The following GNPTAB variants were observed in gnomAD, a reference collection of about 807,000 sequenced individuals.
The protein encoded by GNPTAB is N-acetylglucosamine-1-phosphotransferase subunits alpha/beta.
In GNPTAB, 92 loss-of-function variants were observed where a neutral mutation model predicts 136.6. That is an observed-to-expected ratio of 0.67 (90% confidence interval 0.57 to 0.80). The LOEUF (loss-of-function observed/expected upper bound fraction) is 0.80. Among genes scored for constraint, GNPTAB ranks in the 30% least tolerant of loss-of-function variants. The pLI, the probability that GNPTAB is intolerant of heterozygous loss-of-function variation, is 0.00. For synonymous variants in GNPTAB, 512 were observed against 535.1 expected (o/e 0.96, Z 0.60); for missense variants, 1,343 against 1,501.8 (o/e 0.89, Z 1.75).
rs35246134 is a variant in GNPTAB, at chr12:101,780,071, GA to G, written c.771+80del. On this transcript the variant is annotated intron_variant, in intron 7 of 20. Transcript: ENST00000299314. The stretch of plus-strand genomic sequence containing the variant: ...TATGTTTATCAGCTAAACTTTGGGG[GA>G]AAAAAATGGACCACAAGAAAAGAAT... The G allele has an allele frequency of 2.3e-3, 3,144 of 1,379,424 alleles. 10 individuals carry two copies. Among genetic ancestry groups the G allele is most frequent in the Non-Finnish European group, 2.8e-3 (2,696 of 968,666 alleles). 85.4% of individuals were successfully genotyped at this position (1,379,424 alleles called of 1,614,324 possible).
In GNPTAB at chr12:101,761,692, A is replaced by T. The variant is rs776709484; in HGVS notation, c.2787T>A (p.Asp929Glu). ...CATATCTGAGGGAATCTGCAAATGT[A>T]TCTTTTAGTTGCCTCCCAGTATTTT... Reference protein sequence around the residue: ...DSKNTGRQLKDTFADSLRYVN... With the variant: ...DSKNTGRQLKETFADSLRYVN... Residue 929 changes from aspartate to glutamate, a missense_variant, in exon 14 of 21, where the codon GAT (aspartate) becomes GAA (glutamate). Asp to Glu is a conservative substitution (Grantham distance 45, BLOSUM62 2). Transcript: ENST00000299314. 6.2e-7 allele frequency: 1 copy of T among 1,614,044 alleles called. No homozygotes were observed. The highest frequency in any genetic ancestry group is 8.5e-7 in the Non-Finnish European group (1 of 1,179,868).
intron 1 of GNPTAB, among the ~76,000 whole-genome samples, chr12:101,797,957 A>G (rs1481062133): frequency 1.3e-5 from 2 of 152,026 alleles, no homozygotes; most frequent in Non-Finnish European, 2.9e-5. Context: ...TGGCACGCAA[A>G]CATGTTCCCG....
rs1952778790 is a variant in GNPTAB, at chr12:101,749,130, A to T, written c.3664T>A (p.Phe1222Ile). 1.9e-6 allele frequency: 3 copies of T among 1,611,116 alleles called. No individual in the cohort carries two copies. The highest frequency in any genetic ancestry group is 2.5e-6 in the Non-Finnish European group (3 of 1,177,414). The part of the protein sequence containing the change: ...THCVLATLIM[F>I]TIFSFFAEQL... ...TCAGCAAAAAATGAGAATATAGTAA[A>T]CATAATCAATGTTGCTAGTACACAA... The change falls in exon 20 of 21, where the codon TTT becomes ATT. Residue 1222 changes from phenylalanine to isoleucine, a missense_variant. Coordinates refer to ENST00000299314, the MANE Select transcript of GNPTAB (RefSeq NM_024312.5).
chr12:101,752,077 T>C (rs1204087580), intron 19 of GNPTAB, among the ~76,000 whole-genome samples: 1 of 151,034 alleles, frequency 6.6e-6, no homozygotes, highest in African/African-American at 2.4e-5. Context: ...ATATTGCTAG[T>C]GATTATTCCC....
chr12:101,759,951 T>C, intron 16 of GNPTAB, 79 bp downstream of exon 16: 1 of 850,510 alleles, frequency 1.2e-6, no homozygotes, highest in Non-Finnish European at 2.1e-6. Flanking sequence ...AGTTCTGAAG[T>C]GCTATACAGA....
At chr12:101,777,962 C>T (rs185411366) in intron 7 of GNPTAB, among the ~76,000 whole-genome samples, 1 of 152,304 alleles carries the variant, frequency 6.6e-6, no homozygotes, top group East Asian at 1.9e-4. Context: ...AGGTGTTGGC[C>T]TCCACAAAGA....
Position 101,788,543 on chromosome 12 carries a change from CT to C in GNPTAB, c.365+4del. On this transcript the variant is annotated splice_donor_region_variant and intron_variant, in intron 4 of 20. Transcript: ENST00000299314. ...TTACTCTTGAGAGGAAATCAAAATG[CT>C]TACCTCTTCTTAGTAGGTTCCGTTG... 1.3e-6 allele frequency: 2 copies of C among 1,534,308 alleles called. No homozygotes were observed. Among genetic ancestry groups the C allele is most frequent in the Non-Finnish European group, 1.8e-6 (2 of 1,107,268 alleles).
At chr12:101,766,378 CT>C in intron 11 of GNPTAB, 84 bp from the exon 12 acceptor site, 1 of 1,198,062 alleles carries the variant, frequency 8.3e-7, no homozygotes, top group Non-Finnish European at 1.2e-6. Context: ...TGGCTGACGC[CT>C]GTAATCTCAA....
At chr12:101,826,495 T>A (rs1871089603) in intron 1 of GNPTAB, among the ~76,000 whole-genome samples, 1 of 136,642 alleles carries the variant, frequency 7.3e-6, no homozygotes, top group South Asian at 2.4e-4. Flanking sequence ...ATTTTATTTT[T>A]CTGATTTTTA....
chr12:101,789,629 C>T lies in GNPTAB; in HGVS notation c.323+309G>A, dbSNP rs531820035. On this transcript the variant is annotated intron_variant, in intron 3 of 20. Coordinates refer to ENST00000299314, the MANE Select transcript of GNPTAB (RefSeq NM_024312.5). The stretch of plus-strand genomic sequence containing the variant: ...CCTCCCAATTAGCTGGGATTGCAGG[C>T]GTGCACCATCACGCCCAACAAACTT... 1.1e-3 allele frequency among the ~76,000 whole-genome samples: 164 copies of T among 152,252 alleles called. 1 individual carries two copies. The highest frequency in any genetic ancestry group is 3.7e-3 in the African/African-American group (155 of 41,552).
In GNPTAB at chr12:101,780,756, A is replaced by T. The variant is rs1215466594; in HGVS notation, c.572-135T>A. On this transcript the variant is annotated intron_variant, in intron 5 of 20. Transcript: ENST00000299314. The stretch of plus-strand genomic sequence containing the variant: ...TGGTCCAAAAAAAGGAAGCTGAAGG[A>T]GACAAAATTAGCCCATTCAACAAAA... 5.7e-6 allele frequency: 4 copies of T among 696,164 alleles called. No homozygotes were observed. In the East Asian group the frequency reaches 1.1e-4, roughly 19 times the overall value. 43.1% of individuals were successfully genotyped at this position (696,164 alleles called of 1,614,324 possible).
chr12:101,780,661 A>C (rs748715829), intron 5 of GNPTAB, 40 bp from the exon 6 acceptor site: 12 of 1,241,936 alleles, frequency 9.7e-6, no homozygotes, highest in Admixed American at 1.7e-5. Flanking sequence ...ATTTTTAATG[A>C]ATACTCAACT....
At chr12:101,753,168 C>T (rs1467641833) in intron 19 of GNPTAB, among the ~76,000 whole-genome samples, 1 of 151,716 alleles carries the variant, frequency 6.6e-6, no homozygotes, top group East Asian at 1.9e-4. Context: ...GCAGAAGAAT[C>T]ATTGTACCCA....
chr12:101,819,488 A>C (rs1870691419), intron 1 of GNPTAB, among the ~76,000 whole-genome samples: 1 of 152,214 alleles, frequency 6.6e-6, no homozygotes, highest in Admixed American at 6.5e-5. Context: ...ACAGAAATGA[A>C]GTGAGAAAAT....
chr12:101,781,961 A>G (rs938459329), intron 5 of GNPTAB, among the ~76,000 whole-genome samples: 1 of 152,220 alleles, frequency 6.6e-6, no homozygotes, highest in African/African-American at 2.4e-5. Context: ...GGTGGGCTAG[A>G]ACTTAACCAA....
intron 1 of GNPTAB, among the ~76,000 whole-genome samples, chr12:101,807,284 T>G (rs1464830349): frequency 6.6e-6 from 1 of 152,210 alleles, no homozygotes; most frequent in Admixed American, 6.5e-5. Context: ...CTTCCTCAGT[T>G]TGATAGAGCA....
intron 1 of GNPTAB, among the ~76,000 whole-genome samples, chr12:101,802,264 A>G (rs1869685993): frequency 6.6e-6 from 1 of 152,006 alleles, no homozygotes; most frequent in Non-Finnish European, 1.5e-5. Flanking sequence ...GAAAGAAATG[A>G]AAATTAAACT....
chr12:101,764,683 T>A lies in GNPTAB; in HGVS notation c.2234A>T (p.His745Leu). ...TATAGCTTGATTTTTTATTTTAGCA[T>A]GCTGTGAGTTCATCAGAAATGATCT... ...LLRSFLMNSQ[H>L]AKIKNQAIIT... The change falls in exon 13 of 21, where the codon CAT (histidine) becomes CTT (leucine). Residue 745 changes from histidine to leucine, a missense_variant. His to Leu is a moderately conservative substitution (Grantham distance 99, BLOSUM62 -3). Coordinates refer to ENST00000299314, the MANE Select transcript of GNPTAB (RefSeq NM_024312.5). 6.2e-7 allele frequency: 1 copy of A among 1,612,776 alleles called. No individual in the cohort carries two copies. Among genetic ancestry groups the A allele is most frequent in the Non-Finnish European group, 8.5e-7 (1 of 1,179,586 alleles).
Position 101,802,199 on chromosome 12 carries a change from T to TAAA in GNPTAB, c.118-5440_118-5438dup, listed in dbSNP as rs112485347. Among the ~76,000 whole-genome samples the TAAA allele has an allele frequency of 2.8e-5, 3 of 108,186 alleles. 1 individual carries two copies. Among genetic ancestry groups the TAAA allele is most frequent in the African/African-American group, 3.5e-5 (1 of 28,690 alleles). 71.0% of individuals were successfully genotyped at this position (108,186 alleles called of 152,430 possible). ...GATGACAGAGCAAGACCCTGTCTCT[T>TAAA]AAAAAAAAAAAAAAAAAAGAAAAGA... On this transcript the variant is annotated intron_variant, in intron 1 of 20. Coordinates refer to ENST00000299314, the MANE Select transcript of GNPTAB (RefSeq NM_024312.5).
Sources: allele counts gnomAD v4.1 joint callset (sites outside exome capture counted in the v4.1 genomes callset), GRCh38; gene constraint gnomAD v4.1.1; transcripts MANE v1.5; gene names NCBI Gene and HGNC (gene_info 2026-07-23, HGNC 2026-07-21).